NPAS3: variants seen among roughly 807,000 people sequenced by gnomAD.
The protein encoded by NPAS3 is neuronal PAS domain-containing protein 3.
Under a neutral mutation model 73.1 loss-of-function variants are expected in NPAS3, and 14 were observed. The observed-to-expected ratio is 0.19, with a 90% CI of 0.13 to 0.30. NPAS3 has a LOEUF of 0.30. Ranked by LOEUF, NPAS3 falls within the 10% of genes least tolerant of loss-of-function variation. NPAS3 has a pLI of 1.00. For synonymous variants in NPAS3, 620 were observed against 541.5 expected (o/e 1.14, Z -2.01); for missense variants, 1,096 against 1,250.0 (o/e 0.88, Z 1.86).
chr14:33,337,016 C>T (rs1278962746), intron 3 of NPAS3, among the ~76,000 whole-genome samples: 1 of 152,020 alleles, frequency 6.6e-6, no homozygotes, highest in African/African-American at 2.4e-5. Flanking sequence ...AAATATTTTC[C>T]CCAGTCTGTG....
intron 1 of NPAS3, among the ~76,000 whole-genome samples, chr14:32,943,358 G>A (rs567364781): frequency 6.6e-6 from 1 of 152,106 alleles, no homozygotes; most frequent in Non-Finnish European, 1.5e-5. Flanking sequence ...GGAGCAGTTT[G>A]ATAATTTTAG....
intron 3 of NPAS3, among the ~76,000 whole-genome samples, chr14:33,288,436 C>T (rs767922150): frequency 6.6e-6 from 1 of 152,042 alleles, no homozygotes; most frequent in Non-Finnish European, 1.5e-5. Context: ...GTTCCCCAGG[C>T]TGGACCAGAT....
intron 5 of NPAS3, among the ~76,000 whole-genome samples, chr14:33,671,687 G>C (rs370395649): frequency 1.3e-5 from 2 of 152,200 alleles, no homozygotes; most frequent in South Asian, 2.1e-4. Flanking sequence ...ACTAAGCAAC[G>C]TGAGAGAGTA....
intron 3 of NPAS3, among the ~76,000 whole-genome samples, chr14:33,247,503 A>G (rs11621152): frequency 0.03 from 4,628 of 152,284 alleles, 123 homozygotes; most frequent in East Asian, 0.13. Flanking sequence ...CCACAGTGGA[A>G]GCCCTTTATG....
chr14:33,480,334 A>C (rs1323673688), intron 4 of NPAS3, among the ~76,000 whole-genome samples: 1 of 152,218 alleles, frequency 6.6e-6, no homozygotes, highest in African/African-American at 2.4e-5. Flanking sequence ...GAACAAAAAG[A>C]AAGTCAGTGA....
At chr14:33,465,423 C>T (rs1348214733) in intron 4 of NPAS3, among the ~76,000 whole-genome samples, 1 of 152,150 alleles carries the variant, frequency 6.6e-6, no homozygotes, top group Non-Finnish European at 1.5e-5. Context: ...AGATCAGTCA[C>T]ATGCATACAG....
rs181267867 is a variant in NPAS3, at chr14:33,339,707, G to A, written c.386-27479G>A. ...ACATAAATAAATAATCAGCATGACA[G>A]TTGAGGTCTAATTTGGAGAAAAAAA... is the stretch of plus-strand genomic sequence containing the variant. On this transcript the variant is annotated intron_variant, in intron 3 of 11. Coordinates refer to ENST00000356141, the Ensembl canonical transcript of NPAS3. Among the ~76,000 whole-genome samples, 212 of 152,122 alleles carry A rather than the reference G, an allele frequency of 1.4e-3. 2 individuals carry two copies. The highest frequency in any genetic ancestry group is 1.4e-3 in the Non-Finnish European group (92 of 68,016).
In NPAS3 at chr14:33,298,309, C is replaced by G. The variant is rs79271038; in HGVS notation, c.386-68877C>G. 7.2e-3 allele frequency among the ~76,000 whole-genome samples: 1,104 copies of G among 152,284 alleles called. 20 individuals carry two copies. The highest frequency in any genetic ancestry group is 0.026 in the African/African-American group (1,061 of 41,564). On this transcript the variant is annotated intron_variant, in intron 3 of 11. Coordinates refer to ENST00000356141, the Ensembl canonical transcript of NPAS3. The stretch of plus-strand genomic sequence containing the variant: ...AAAACAAACAGAGATTTTTGAGGCA[C>G]TTCCTGCAGTGAAAGGTCTTTGGTG...
chr14:33,363,215 T>G (rs2045686752), intron 3 of NPAS3, among the ~76,000 whole-genome samples: 1 of 152,260 alleles, frequency 6.6e-6, no homozygotes, highest in Admixed American at 6.5e-5. Flanking sequence ...GAGCACTGGT[T>G]AGGAATATGA....
At chr14:33,759,441 G>A (rs1252458748) in intron 7 of NPAS3, among the ~76,000 whole-genome samples, 1 of 152,160 alleles carries the variant, frequency 6.6e-6, no homozygotes, top group Non-Finnish European at 1.5e-5. Flanking sequence ...GGCAAAATGG[G>A]AAGTGGCAGG....
chr14:33,152,213 T>C (rs2044473474), intron 2 of NPAS3, among the ~76,000 whole-genome samples: 1 of 152,128 alleles, frequency 6.6e-6, no homozygotes, highest in South Asian at 2.1e-4. Context: ...AGTACCAAGG[T>C]TGGGCAACTC....
intron 5 of NPAS3, among the ~76,000 whole-genome samples, chr14:33,621,281 A>C (rs2058068617): frequency 6.6e-6 from 1 of 152,190 alleles, no homozygotes. Flanking sequence ...AAAGTGTTAA[A>C]TGTGATATTA....
At chr14:33,064,079 AAGG>A (rs1037142464) in intron 2 of NPAS3, among the ~76,000 whole-genome samples, 12 of 152,328 alleles carry the variant, frequency 7.9e-5, no homozygotes, top group African/African-American at 2.9e-4. Flanking sequence ...TATTGCCTTA[AAGG>A]AGATCATTGT....
intron 3 of NPAS3, among the ~76,000 whole-genome samples, chr14:33,267,501 G>T (rs2040869534): frequency 6.6e-6 from 1 of 152,076 alleles, no homozygotes; most frequent in Non-Finnish European, 1.5e-5. Flanking sequence ...TGAATTGAAA[G>T]ACTTTGTAGG....
chr14:33,676,407 T>C, intron 6 of NPAS3, 22 bp downstream of exon 6: 1 of 1,535,416 alleles, frequency 6.5e-7, no homozygotes. Flanking sequence ...AAACCCAGTG[T>C]GTGGGTTGGT....
chr14:33,705,334 T>C (rs1407221115), intron 6 of NPAS3, among the ~76,000 whole-genome samples: 1 of 152,200 alleles, frequency 6.6e-6, no homozygotes, highest in Admixed American at 6.5e-5. Flanking sequence ...TGGCTCCCTT[T>C]TCCCCCTAGA....
At chr14:33,360,264 C>T (rs1395254795) in intron 3 of NPAS3, among the ~76,000 whole-genome samples, 1 of 151,866 alleles carries the variant, frequency 6.6e-6, no homozygotes, top group Non-Finnish European at 1.5e-5. Context: ...CTTTCTAGCC[C>T]TCAAAGATCC....
At chr14:33,636,991 A>G (rs374989636) in intron 5 of NPAS3, among the ~76,000 whole-genome samples, 3 of 152,076 alleles carry the variant, frequency 2.0e-5, no homozygotes, top group Admixed American at 6.5e-5. Flanking sequence ...GAAATGTTAC[A>G]TCTATCTTTG....
intron 1 of NPAS3, among the ~76,000 whole-genome samples, chr14:32,999,785 T>TC (rs1196634159): frequency 2.0e-5 from 3 of 151,902 alleles, no homozygotes; most frequent in African/African-American, 4.9e-5. Context: ...CATGTTTTTT[T>TC]CCCCCTTAAG....
Sources: gnomAD v4.1 joint callset for allele counts (sites outside exome capture counted in the v4.1 genomes callset) on GRCh38, gnomAD v4.1.1 for gene constraint, MANE v1.5 for transcripts, NCBI Gene and HGNC (gene_info 2026-07-23, HGNC 2026-07-21) for gene names.